DNAH5: variants seen among roughly 807,000 people sequenced by gnomAD.
DNAH5 encodes axonemal beta dynein heavy chain 5.
In DNAH5, 372 loss-of-function variants were observed where a neutral mutation model predicts 518.2. The observed-to-expected ratio is 0.72, with a 90% CI of 0.66 to 0.78. The LOEUF is 0.78. Among genes scored for constraint, DNAH5 ranks in the 30% least tolerant of loss-of-function variants. The pLI, the probability that DNAH5 is intolerant of heterozygous loss-of-function variation, is 0.00. For missense variants in DNAH5, 5,523 were observed against 5,687.0 expected (o/e 0.97, Z 0.93); for synonymous variants, 2,039 against 2,025.9 (o/e 1.01, Z -0.17).
At chr5:13,898,240 T>G (rs1315890936) in intron 15 of DNAH5, 1 of 240,992 alleles carries the variant, frequency 4.1e-6, no homozygotes, top group Non-Finnish European at 7.8e-6. Context: ...ATACGGTTAT[T>G]GTAAACCCTA....
rs538039372 is a variant in DNAH5, at chr5:13,998,960, C to T, written c.12+12688G>A. On this transcript the variant is annotated intron_variant, in intron 1 of 78. Coordinates refer to the DNAH5 transcript ENST00000681290. ...AATCTCAGCTCACTGCAACCTCCGC[C>T]TCCCAGGTTCAAGCAATTCTCCTGC... 7.9e-5 allele frequency among the ~76,000 whole-genome samples: 12 copies of T among 152,354 alleles called. No individual in the cohort carries two copies. The East Asian group carries it at 2.3e-3, about 29-fold the overall frequency.
intron 65 of DNAH5, among the ~76,000 whole-genome samples, chr5:13,739,470 C>T (rs1382394742): frequency 1.3e-5 from 2 of 152,090 alleles, no homozygotes; most frequent in Non-Finnish European, 2.9e-5. Context: ...CCCAGCCATG[C>T]AGAACTGTGA....
chr5:13,990,478 G>C (rs181587602), intron 1 of DNAH5, among the ~76,000 whole-genome samples: 1 of 152,180 alleles, frequency 6.6e-6, no homozygotes, highest in East Asian at 1.9e-4. Flanking sequence ...GCGTGAACCC[G>C]GGAGGCAGAG....
intron 24 of DNAH5, 53 bp downstream of exon 24, chr5:13,870,714 T>C (rs1458084373): frequency 1.4e-6 from 2 of 1,478,542 alleles, no homozygotes; most frequent in African/African-American, 2.8e-5. Context: ...TTTCAGCTAA[T>C]AGCATCCAAC....
At position 13,769,850 on chromosome 5, in the gene DNAH5, A is replaced by T. The variant is rs7715552; in HGVS notation, c.9606-235T>A. Among the ~76,000 whole-genome samples, 47,407 of 152,142 alleles carry T rather than the reference A, an allele frequency of 0.31. 7,920 individuals carry two copies. Among genetic ancestry groups the T allele is most frequent in the South Asian group, 0.44 (2,124 of 4,824 alleles). ...AACAGCGAACCTGCTAGAACACACG[A>T]CATGAAATTAGGAACGACAGTAAGG... On this transcript the variant is annotated intron_variant, in intron 56 of 78. Coordinates refer to ENST00000265104, the MANE Select transcript of DNAH5 (RefSeq NM_001369.3).
chr5:13,846,480 C>T (rs942891733), intron 31 of DNAH5, among the ~76,000 whole-genome samples: 10 of 152,144 alleles, frequency 6.6e-5, no homozygotes, highest in African/African-American at 1.9e-4. Flanking sequence ...CCAGGGCATG[C>T]GTGCGGAGTG....
chr5:13,992,951 T>C (rs1783661023), intron 1 of DNAH5, among the ~76,000 whole-genome samples: 1 of 152,224 alleles, frequency 6.6e-6, no homozygotes, highest in Non-Finnish European at 1.5e-5. Context: ...GATGCCTTAA[T>C]TAGTCCCAGA....
chr5:13,904,026 GA>G (rs1317451872), intron 12 of DNAH5, among the ~76,000 whole-genome samples: 1 of 151,804 alleles, frequency 6.6e-6, no homozygotes, highest in African/African-American at 2.4e-5. Flanking sequence ...TAAAATTCAA[GA>G]CAACCATAGC....
chr5:13,737,818 T>C (rs1448439469), intron 65 of DNAH5, among the ~76,000 whole-genome samples: 1 of 152,002 alleles, frequency 6.6e-6, no homozygotes. Context: ...TCCCAGCACT[T>C]TAGGAGGCAG....
chr5:13,835,600 T>G (rs1033778840), intron 35 of DNAH5, among the ~76,000 whole-genome samples: 3 of 152,042 alleles, frequency 2.0e-5, no homozygotes, highest in African/African-American at 7.2e-5. Flanking sequence ...AAGGCTGGGG[T>G]TGGAGGGCCA....
Position 13,811,699 on chromosome 5 carries a change from G to C in DNAH5, c.7355C>G (p.Ala2452Gly). ...NLEYKMEVLE[A>G]FVITQSINML... ...GTTAATGCTCTGTGTGATGACAAAG[G>C]CCTCCAGCACCTCCATCTTGTATTC... Residue 2452 changes from alanine (A) to glycine (G), a missense_variant, in exon 44 of 79, where the codon GCC becomes GGC. Ala to Gly is a moderately conservative substitution (Grantham distance 60, BLOSUM62 0). This residue lies in a region of DNAH5 where 5,121 missense variants were observed against 5,223.3 expected (regional missense o/e 0.98). Coordinates refer to ENST00000265104, the MANE Select transcript of DNAH5 (RefSeq NM_001369.3). The C allele has an allele frequency of 6.2e-7, 1 of 1,614,158 alleles. No homozygotes were observed. The highest frequency in any genetic ancestry group is 1.1e-5 in the South Asian group (1 of 91,080).
intron 1 of DNAH5, among the ~76,000 whole-genome samples, chr5:13,980,217 C>T (rs1183601750): frequency 6.6e-6 from 1 of 152,092 alleles, no homozygotes; most frequent in East Asian, 1.9e-4. Context: ...GCTGGCTTCT[C>T]CTTCTCAGTC....
At chr5:13,772,007 A>C (rs1753408261) in intron 55 of DNAH5, among the ~76,000 whole-genome samples, 1 of 152,202 alleles carries the variant, frequency 6.6e-6, no homozygotes, top group African/African-American at 2.4e-5. Context: ...GCTTCATTAC[A>C]AAAACAGTTT....
intron 41 of DNAH5, 131 bp downstream of exon 41, chr5:13,820,215 A>T: frequency 1.0e-6 from 1 of 998,458 alleles, no homozygotes; most frequent in Non-Finnish European, 1.5e-6. Flanking sequence ...TGTTCCCAAT[A>T]ATTAATAAAG....
Position 13,886,146 on chromosome 5 carries a change from A to G in DNAH5, c.2578-17T>C. The G allele has an allele frequency of 3.2e-6, 5 of 1,578,860 alleles. 2 individuals carry two copies. The Middle Eastern group carries it at 6.8e-4, about 214-fold the overall frequency. On this transcript the variant is annotated splice_polypyrimidine_tract_variant and intron_variant, in intron 17 of 78. Transcript: ENST00000265104. ...ACAAAGATCCTAACCAAAAAAAAAA[A>G]AAAAAAAAGATAGCACAGTGGTATA... is the stretch of plus-strand genomic sequence containing the variant.
chr5:13,877,831 A>G lies in DNAH5; in HGVS notation c.3263-1014T>C, dbSNP rs1180544186. On this transcript the variant is annotated intron_variant, in intron 21 of 78. Transcript: ENST00000265104. Reference sequence around the variant, plus strand: ...TCTGAGAGTGGAGTGGATTAGACACACAAGAGTCTCTCTGGACCACAAGAA... The same window carrying G: ...TCTGAGAGTGGAGTGGATTAGACACGCAAGAGTCTCTCTGGACCACAAGAA... Among the ~76,000 whole-genome samples the G allele has an allele frequency of 2.0e-5, 3 of 152,200 alleles. No individual in the cohort carries two copies. In the East Asian group the frequency reaches 5.8e-4, roughly 29 times the overall value.
chr5:13,731,472 G>A (rs947209469), intron 68 of DNAH5, among the ~76,000 whole-genome samples: 3 of 152,096 alleles, frequency 2.0e-5, no homozygotes, highest in East Asian at 1.9e-4. Flanking sequence ...CTAACCTGCC[G>A]GCTCCCAAAG....
At chr5:13,826,219 C>T (rs1762870543) in intron 38 of DNAH5, among the ~76,000 whole-genome samples, 1 of 152,148 alleles carries the variant, frequency 6.6e-6, no homozygotes, top group Non-Finnish European at 1.5e-5. Flanking sequence ...TGATGTATTA[C>T]ATTTCACTAT....
chr5:13,816,806 G>A lies in DNAH5; in HGVS notation c.6988+742C>T, dbSNP rs1240671101. On this transcript the variant is annotated intron_variant, in intron 42 of 78. Transcript: ENST00000265104. ...TTTAAACATTTTTCAGAAGGACACT[G>A]TTGCCCAAAGGGTAAACCCAGGAAG... Among the ~76,000 whole-genome samples, 6 of 152,122 alleles carry A rather than the reference G, an allele frequency of 3.9e-5. 1 individual carries two copies. The highest frequency in any genetic ancestry group is 4.8e-5 in the African/African-American group (2 of 41,428).
Sources: allele counts gnomAD v4.1 joint callset (sites outside exome capture counted in the v4.1 genomes callset), GRCh38; gene constraint gnomAD v4.1.1; regional missense constraint gnomAD v4.1.1; transcripts MANE v1.5; gene names NCBI Gene and HGNC (gene_info 2026-07-23, HGNC 2026-07-21).